The following GULP1 variants were observed in gnomAD, a reference collection of about 807,000 sequenced individuals.
GULP1 encodes the protein PTB domain-containing engulfment adapter protein 1.
A neutral mutation model predicts 40.9 loss-of-function variants in GULP1; 19 were observed. The ratio of observed to expected loss-of-function variants is 0.46; its 90% CI spans 0.32 to 0.68. The LOEUF (loss-of-function observed/expected upper bound fraction) is 0.68. Ranked by LOEUF, GULP1 falls within the 30% of genes least tolerant of loss-of-function variation. The pLI, the probability that GULP1 is intolerant of heterozygous loss-of-function variation, is 0.03. For missense variants in GULP1, 312 were observed against 362.2 expected (o/e 0.86, Z 1.12); for synonymous variants, 119 against 117.6 (o/e 1.01, Z -0.08).
chr2:188,425,607 A>G (rs906578943), intron 2 of GULP1, among the ~76,000 whole-genome samples: 3 of 152,142 alleles, frequency 2.0e-5, no homozygotes, highest in Non-Finnish European at 2.9e-5. Context: ...TTACATTTAT[A>G]TCTCTTTTCA....
At chr2:188,522,209 A>G (rs552431820) in intron 4 of GULP1, among the ~76,000 whole-genome samples, 1 of 152,140 alleles carries the variant, frequency 6.6e-6, no homozygotes, top group Non-Finnish European at 1.5e-5. Flanking sequence ...TAAATTCTAC[A>G]TGTTAGATGA....
chr2:188,582,375 T>C, intron 9 of GULP1: 2 of 471,364 alleles, frequency 4.2e-6, no homozygotes, highest in Non-Finnish European at 8.8e-6. Context: ...GAACAACATG[T>C]GTTTCAGAGA....
At chr2:188,585,238 C>T (rs1263899743) in intron 10 of GULP1, among the ~76,000 whole-genome samples, 1 of 152,174 alleles carries the variant, frequency 6.6e-6, no homozygotes, top group African/African-American at 2.4e-5. Context: ...GGGTACAGCC[C>T]CCATAGCTGT....
intron 2 of GULP1, among the ~76,000 whole-genome samples, chr2:188,408,432 A>AT (rs2053427246): frequency 6.6e-6 from 1 of 152,222 alleles, no homozygotes; most frequent in Non-Finnish European, 1.5e-5. Context: ...TAAGGTCATT[A>AT]TATAATGACA....
intron 2 of GULP1, among the ~76,000 whole-genome samples, chr2:188,459,341 A>T (rs555525349): frequency 6.6e-6 from 1 of 152,214 alleles, no homozygotes. Flanking sequence ...TTTTCTCCAC[A>T]TTCTCGCTAG....
chr2:188,409,116 G>A (rs560657140), intron 2 of GULP1, among the ~76,000 whole-genome samples: 1 of 151,674 alleles, frequency 6.6e-6, no homozygotes, highest in East Asian at 1.9e-4. Flanking sequence ...CTCAGTAGAA[G>A]GAAAAAAATA....
At chr2:188,368,304 G>A (rs141960203) in intron 1 of GULP1, among the ~76,000 whole-genome samples, 150 of 152,166 alleles carry the variant, frequency 9.9e-4, no homozygotes, top group Admixed American at 1.6e-3. Flanking sequence ...CTTTATGGCC[G>A]AGTGTGGTGG....
At chr2:188,528,389 T>A (rs1339544547) in intron 5 of GULP1, among the ~76,000 whole-genome samples, 1 of 152,106 alleles carries the variant, frequency 6.6e-6, no homozygotes, top group Non-Finnish European at 1.5e-5. Flanking sequence ...CTCCATCTGC[T>A]AAGCACATGA....
intron 1 of GULP1, among the ~76,000 whole-genome samples, chr2:188,327,363 T>C (rs2040899967): frequency 6.6e-6 from 1 of 152,164 alleles, no homozygotes; most frequent in African/African-American, 2.4e-5. Flanking sequence ...CTTGTGCCTG[T>C]AAATTGGGAA....
intron 5 of GULP1, among the ~76,000 whole-genome samples, chr2:188,523,264 C>G (rs1685304870): frequency 6.6e-6 from 1 of 152,152 alleles, no homozygotes; most frequent in Non-Finnish European, 1.5e-5. Context: ...TGCAGTGACA[C>G]TGTATGTTAA....
At chr2:188,319,196 T>C (rs910006966) in intron 1 of GULP1, among the ~76,000 whole-genome samples, 1 of 152,168 alleles carries the variant, frequency 6.6e-6, no homozygotes, top group Non-Finnish European at 1.5e-5. Context: ...GCATCTTGCT[T>C]TTGGGAAAGC....
intron 2 of GULP1, among the ~76,000 whole-genome samples, chr2:188,476,492 T>A (rs2061021482): frequency 6.6e-6 from 1 of 152,038 alleles, no homozygotes; most frequent in African/African-American, 2.4e-5. Flanking sequence ...TTCCTTTGAT[T>A]TCTGTTGAAG....
chr2:188,572,008 T>A (rs1699160593), intron 9 of GULP1, among the ~76,000 whole-genome samples: 1 of 152,198 alleles, frequency 6.6e-6, no homozygotes, highest in Non-Finnish European at 1.5e-5. Flanking sequence ...AACATATTAA[T>A]AAAACTGCAG....
intron 2 of GULP1, among the ~76,000 whole-genome samples, chr2:188,410,000 TAAGCCAATG>T (rs987961910): frequency 1.3e-5 from 2 of 152,098 alleles, no homozygotes; most frequent in African/African-American, 4.8e-5. Context: ...AACAGACACA[TAAGCCAATG>T]AAGCAGGATA....
intron 10 of GULP1, among the ~76,000 whole-genome samples, chr2:188,585,004 A>C (rs59990818): frequency 0.015 from 2,284 of 152,328 alleles, 66 homozygotes; most frequent in African/African-American, 0.052. Context: ...CTTGTAAAAT[A>C]CAATGAGCAT....
chr2:188,398,477 T>TA (rs1452259811), intron 2 of GULP1, among the ~76,000 whole-genome samples: 1 of 152,264 alleles, frequency 6.6e-6, no homozygotes, highest in Admixed American at 6.5e-5. Flanking sequence ...TCTTCACCTA[T>TA]AAATGTTAAC....
chr2:188,532,703 G>A (rs576978246), intron 6 of GULP1, among the ~76,000 whole-genome samples: 1 of 150,690 alleles, frequency 6.6e-6, no homozygotes, highest in South Asian at 2.1e-4. Flanking sequence ...GAATCATGAG[G>A]TCAGCAGTTT....
intron 2 of GULP1, among the ~76,000 whole-genome samples, chr2:188,425,657 A>C (rs564567434): frequency 2.0e-5 from 3 of 152,296 alleles, no homozygotes; most frequent in African/African-American, 7.2e-5. Flanking sequence ...AAGGTAATAG[A>C]ATTAGAGTAT....
intron 3 of GULP1, 105 bp from the exon 4 acceptor site, chr2:188,483,326 T>C (rs1272233095): frequency 6.0e-6 from 3 of 497,230 alleles, no homozygotes; most frequent in Non-Finnish European, 1.1e-5. Flanking sequence ...GCAAAGAATC[T>C]CAGAATTAGA....
Sources: allele counts gnomAD v4.1 joint callset (sites outside exome capture counted in the v4.1 genomes callset), GRCh38; gene constraint gnomAD v4.1.1; transcripts MANE v1.5; gene names NCBI Gene and HGNC (gene_info 2026-07-23, HGNC 2026-07-21).